Variants in VPS9D1 observed in about 807,000 individuals in gnomAD.
VPS9D1 encodes VPS9 domain-containing protein 1.
Under a neutral mutation model 75.8 loss-of-function variants are expected in VPS9D1, and 78 were observed. The ratio of observed to expected loss-of-function variants is 1.03; its 90% confidence interval spans 0.86 to 1.24. The LOEUF is 1.24. Among genes scored for constraint, VPS9D1 ranks in the 50% most tolerant of loss-of-function variants. VPS9D1 has a pLI of 0.00. For missense variants in VPS9D1, 1,057 were observed against 847.7 expected (o/e 1.25, Z -3.07); for synonymous variants, 481 against 385.6 (o/e 1.25, Z -2.90).
chr16:89,710,918 G>A lies in VPS9D1; in HGVS notation c.926C>T (p.Pro309Leu), dbSNP rs1386597512. The part of the protein sequence containing the change: ...LYPAVSRAAA[P>L]APGCCPPTPN... ...GGTCGGGGGGCAGCAGCCTGGGGCT[G>A]GCGCGGCTGCTCTGCTCACGGCGGG... The change falls in exon 10 of 15, where the codon CCA (proline) becomes CTA (leucine). Residue 309 changes from proline (P) to leucine (L), a missense_variant. Pro to Leu is a moderately conservative substitution (Grantham distance 98, BLOSUM62 -3). Coordinates refer to ENST00000389386, the MANE Select transcript of VPS9D1 (RefSeq NM_004913.3). The A allele has an allele frequency of 2.7e-6, 4 of 1,489,544 alleles. No homozygotes were observed. In the South Asian group the frequency reaches 3.9e-5, roughly 15 times the overall value. 92.3% of individuals were successfully genotyped at this position (1,489,544 alleles called of 1,614,324 possible). A position where few individuals can be genotyped will look rare whatever the true frequency, so the allele number is the denominator to read the frequency against.
intron 8 of VPS9D1, 75 bp from the exon 9 acceptor site, chr16:89,711,487 C>G (rs909888472): frequency 1.4e-6 from 2 of 1,416,296 alleles, no homozygotes. Context: ...CCCACCAGTG[C>G]CGACCCCTAG....
chr16:89,708,160 A>ATCCTTAT (rs1322272715), intron 14 of VPS9D1, among the ~76,000 whole-genome samples: 1 of 152,130 alleles, frequency 6.6e-6, no homozygotes, highest in Non-Finnish European at 1.5e-5. Flanking sequence ...ATGGCACTGG[A>ATCCTTAT]TCCTTATCCC....
Position 89,708,423 on chromosome 16 carries a change from C to G in VPS9D1, c.1802+4G>C. ...GACCCCCACCCTGACCCGCCAGGGT[C>G]TACCCCTCGTGGATGAACTCCTCCA... On this transcript the variant is annotated splice_donor_region_variant and intron_variant, in intron 14 of 14. Coordinates refer to ENST00000389386, the MANE Select transcript of VPS9D1 (RefSeq NM_004913.3). The G allele has an allele frequency of 6.2e-7, 1 of 1,610,188 alleles. No individual in the cohort carries two copies. Among genetic ancestry groups the G allele is most frequent in the Non-Finnish European group, 8.5e-7 (1 of 1,178,854 alleles).
chr16:89,719,251 T>G (rs950319014), intron 1 of VPS9D1, 149 bp from the exon 2 acceptor site: 1 of 769,096 alleles, frequency 1.3e-6, no homozygotes, highest in Non-Finnish European at 2.3e-6. Flanking sequence ...CTGCGGTGGT[T>G]AGCTGCAGCC....
intron 11 of VPS9D1, 148 bp downstream of exon 11, chr16:89,709,629 C>T: frequency 7.2e-7 from 1 of 1,381,646 alleles, no homozygotes; most frequent in Non-Finnish European, 9.8e-7. Flanking sequence ...CTGAGGATGG[C>T]CTCAGGGTAA....
rs964006384 is a variant in VPS9D1, at chr16:89,716,825, G to A, written c.176-3C>T. 1 of 1,588,038 alleles carries A rather than the reference G, an allele frequency of 6.3e-7. No individual in the cohort carries two copies. Among genetic ancestry groups the A allele is most frequent in the Non-Finnish European group, 8.5e-7 (1 of 1,172,644 alleles). On this transcript the variant is annotated splice_polypyrimidine_tract_variant and splice_region_variant and intron_variant, in intron 2 of 14. Coordinates refer to ENST00000389386, the MANE Select transcript of VPS9D1 (RefSeq NM_004913.3). ...GGGGGGCACAGTTTCCCCAGCTTCT[G>A]GGGGAGGGACAAGAAGGCTGGTCAC...
Position 89,710,610 on chromosome 16 carries a change from C to G in VPS9D1, c.1234G>C (p.Val412Leu), listed in dbSNP as rs2060893093. The G allele has an allele frequency of 2.5e-6, 4 of 1,606,900 alleles. No homozygotes were observed. The highest frequency in any genetic ancestry group is 1.3e-5 in the African/African-American group (1 of 74,924). ...EPQLQQLKTA[V>L]EEIHNAVDRL... Reference sequence around the variant, plus strand: ...CCTACGGCATTGTGGATCTCCTCCACCGCGGTCTTCAGCTGCTGCAGCTGG... The same window carrying G: ...CCTACGGCATTGTGGATCTCCTCCAGCGCGGTCTTCAGCTGCTGCAGCTGG... The change falls in exon 10 of 15, where the codon GTG becomes CTG. Residue 412 changes from valine (V) to leucine (L), a missense_variant. Val to Leu is a conservative substitution (Grantham distance 32, BLOSUM62 1). Transcript: ENST00000389386.
intron 13 of VPS9D1, 40 bp from the exon 14 acceptor site, chr16:89,708,571 G>C: frequency 6.3e-7 from 1 of 1,583,850 alleles, no homozygotes. Flanking sequence ...GGGGCCAGGA[G>C]CCTCTCACTC....
Position 89,711,367 on chromosome 16 carries a change from C to A in VPS9D1, c.793G>T (p.Asp265Tyr), listed in dbSNP as rs1459952795. Residue 265 changes from aspartate (D) to tyrosine (Y), a missense_variant, in exon 9 of 15, where the codon GAC becomes TAC. By Grantham distance (160) the Asp-to-Tyr change is radical. Transcript: ENST00000389386. ...WKAKLKRNPG[D>Y]LSLVTSLVSH... is the part of the protein sequence containing the mutation. ...ACCAGGCTGGTCACGAGTGACAGGT[C>A]CCCCGGATTCCTCTTGAGCTTGGCC... The A allele has an allele frequency of 1.1e-5, 18 of 1,610,532 alleles. No individual in the cohort carries two copies. The Admixed American group carries it at 3.0e-4, about 27-fold the overall frequency.
At chr16:89,716,680 T>C (rs779130136) in intron 3 of VPS9D1, 50 bp downstream of exon 3, 2 of 1,600,198 alleles carry the variant, frequency 1.2e-6, no homozygotes, top group Non-Finnish European at 1.7e-6. Context: ...ACAGAGGAGA[T>C]GCGGGCTTGG....
chr16:89,720,130 C>A (rs965810808), intron 1 of VPS9D1, among the ~76,000 whole-genome samples: 2 of 152,210 alleles, frequency 1.3e-5, no homozygotes, highest in Non-Finnish European at 2.9e-5. Context: ...CTTGCGGGGG[C>A]ACCTGCTGCC....
At position 89,710,701 on chromosome 16, in the gene VPS9D1, C is replaced by T. The variant is rs1435150198; in HGVS notation, c.1143G>A (p.Glu381=). The change falls in exon 10 of 15, where the codon GAG becomes GAA. Residue 381 remains glutamate (E), a synonymous_variant. Coordinates refer to ENST00000389386, the MANE Select transcript of VPS9D1 (RefSeq NM_004913.3). ...SGLPDKDSSF[E]DLEQFLGTSE... is the part of the protein sequence containing the mutation. ...ACGTCCCCAGGAACTGCTCCAGGTCCTCGAACGAGCTGTCCTTGTCTGGCA... is the reference window on the plus strand; with the variant it reads ...ACGTCCCCAGGAACTGCTCCAGGTCTTCGAACGAGCTGTCCTTGTCTGGCA... 14 of 1,607,764 alleles carry T rather than the reference C, an allele frequency of 8.7e-6. No individual in the cohort carries two copies. Among genetic ancestry groups the T allele is most frequent in the Non-Finnish European group, 1.1e-5 (13 of 1,177,772 alleles).
intron 4 of VPS9D1, among the ~76,000 whole-genome samples, chr16:89,713,945 A>T (rs927734030): frequency 2.7e-5 from 4 of 148,922 alleles, no homozygotes; most frequent in South Asian, 2.1e-4. Flanking sequence ...TTTTTGCAAA[A>T]TTTTTTTTTT....
chr16:89,707,888 C>T lies in VPS9D1; in HGVS notation c.1869G>A (p.Leu623=). 6.2e-7 allele frequency: 1 copy of T among 1,613,156 alleles called. No individual in the cohort carries two copies. Among genetic ancestry groups the T allele is most frequent in the Non-Finnish European group, 8.5e-7 (1 of 1,179,960 alleles). The part of the protein sequence containing the change: ...SLQSALSYVE[L]LPRGGLAK ...ACTTGGCCAGGCCTCCCCGGGGCAG[C>T]AGCTCCACGTAGCTCAGGGCACTCT... is the stretch of plus-strand genomic sequence containing the variant. The change falls in exon 15 of 15, where the codon CTG becomes CTA. Residue 623 remains leucine (L), a synonymous_variant. Transcript: ENST00000389386.
intron 9 of VPS9D1, 119 bp from the exon 10 acceptor site, chr16:89,711,129 T>C: frequency 2.4e-6 from 3 of 1,248,594 alleles, no homozygotes; most frequent in Non-Finnish European, 3.2e-6. Context: ...CAGTGAATGT[T>C]GGAAAGTCTG....
At chr16:89,712,308 CCT>C (rs1468298267) in intron 6 of VPS9D1, 150 bp downstream of exon 6, 7 of 1,357,646 alleles carry the variant, frequency 5.2e-6, no homozygotes, top group Non-Finnish European at 3.0e-6. Context: ...CGGGCCTTCC[CCT>C]GAGACCCTGC....
rs1253895991 is a variant in VPS9D1, at chr16:89,712,459, C to G, written c.606+1G>C. On this transcript the variant is annotated splice_donor_variant, in intron 6 of 14. Transcript: ENST00000389386. LOFTEE classifies it high-confidence loss of function. ...ACCACCAGGGCGGTCAGAAAGGCTG[C>G]TGTCTCCTCCCGGGCTTTGGCAATC... 1 of 1,613,226 alleles carries G rather than the reference C, an allele frequency of 6.2e-7. No individual in the cohort carries two copies. The highest frequency in any genetic ancestry group is 8.5e-7 in the Non-Finnish European group (1 of 1,180,014).
chr16:89,711,588 C>T (rs1343389332), intron 8 of VPS9D1, 176 bp from the exon 9 acceptor site: 24 of 678,822 alleles, frequency 3.5e-5, no homozygotes, highest in Admixed American at 1.8e-4. Context: ...CGAGGGAAAC[C>T]TTAGGCGAAC....
chr16:89,716,999 C>T (rs1377676818), intron 2 of VPS9D1, 177 bp from the exon 3 acceptor site: 12 of 448,102 alleles, frequency 2.7e-5, no homozygotes, highest in Non-Finnish European at 4.4e-5. Context: ...AAGCCCACTG[C>T]CCCCCCATCC....
Sources: gnomAD v4.1 joint callset for allele counts (sites outside exome capture counted in the v4.1 genomes callset) on GRCh38, gnomAD v4.1.1 for gene constraint, MANE v1.5 for transcripts, NCBI Gene and HGNC (gene_info 2026-07-23, HGNC 2026-07-21) for gene names.